Variants in LMF2 observed in about 807,000 individuals in gnomAD.
LMF2 encodes transmembrane protein 112B.
Under a neutral mutation model 81.5 loss-of-function variants are expected in LMF2, and 113 were observed. That is an observed-to-expected ratio of 1.39 (90% CI 1.19 to 1.62). The LOEUF (loss-of-function observed/expected upper bound fraction) is 1.62, where lower values mean the gene tolerates loss of function less well. Ranked by LOEUF, LMF2 falls within the 40% of genes most tolerant of loss-of-function variation. The pLI is 0.00. For missense variants in LMF2, 1,235 were observed against 929.1 expected, an observed-to-expected ratio of 1.33 and a Z score of -4.28; for synonymous variants, 645 against 424.5, an observed-to-expected ratio of 1.52 and a Z score of -6.39.
chr22:50,506,416 C>T lies in LMF2; in HGVS notation c.464G>A (p.Gly155Asp). 6.5e-7 allele frequency: 1 copy of T among 1,550,272 alleles called. No homozygotes were observed. ...PASHRKEAPQ[G>D]RQAGALPHED... ...GTGGGGCAGGGCCCCTGCCTGCCTG[C>T]CCTGGGGGGCCTCCTTGCGGTGGGA... Residue 155 changes from glycine (G) to aspartate (D), a missense_variant, in exon 4 of 14, where the codon GGC becomes GAC. Gly to Asp is a moderately conservative substitution (Grantham distance 94, BLOSUM62 -1). Transcript: ENST00000474879.
chr22:50,507,679 C>G lies in LMF2; in HGVS notation c.-4G>C, dbSNP rs1303069627. ...GCGGGAGCCGGGAGCCCGCCATGTC[C>G]GCTACGCGGCCCGCTAGAGCAGGGC... On this transcript the variant is annotated 5_prime_UTR_variant, in exon 1 of 14. Transcript: ENST00000474879. The G allele has an allele frequency of 1.4e-5, 21 of 1,548,776 alleles. No homozygotes were observed. Among genetic ancestry groups the G allele is most frequent in the Non-Finnish European group, 1.8e-5 (21 of 1,146,434 alleles).
rs773021426 is a variant in LMF2 at position 50,504,447 on chromosome 22, G to A, written c.1611C>T (p.Ile537=). The change falls in exon 12 of 14, where the codon ATC becomes ATT. Residue 537 remains isoleucine, a synonymous_variant. Transcript: ENST00000474879. ...TGGCCACTTGGCTCTGGACAAGGCG[G>A]ATCACTGCAGCGAGAGGCATCAGCG... ...LRLLQGKEPV[I]RLVQSQVARY... is the part of the protein sequence containing the mutation. 9 of 1,611,210 alleles carry A rather than the reference G, an allele frequency of 5.6e-6. No individual in the cohort carries two copies. The highest frequency in any genetic ancestry group is 5.0e-5 in the Admixed American group (3 of 59,964).
rs1390750240 is a variant in LMF2, at chr22:50,505,457, G to A, written c.997C>T (p.His333Tyr). Reference sequence around the variant, plus strand: ...CAGTCAACCTCCAGGCCAAAGTAGTGCACAGTGCCATAGGCCAGAAGCCCG... The same window carrying A: ...CAGTCAACCTCCAGGCCAAAGTAGTACACAGTGCCATAGGCCAGAAGCCCG... ...VYGLLAYGTV[H>Y]YFGLEVDWQQ... Residue 333 changes from histidine (H) to tyrosine (Y), a missense_variant, in exon 7 of 14, where the codon CAC (histidine) becomes TAC (tyrosine). By Grantham distance (83) the His-to-Tyr change is moderately conservative. Coordinates refer to ENST00000474879, the MANE Select transcript of LMF2 (RefSeq NM_033200.3). 1.9e-6 allele frequency: 3 copies of A among 1,612,928 alleles called. No homozygotes were observed. Among genetic ancestry groups the A allele is most frequent in the South Asian group, 2.2e-5 (2 of 91,090 alleles).
chr22:50,507,067 G>C, intron 1 of LMF2, 32 bp from the exon 2 acceptor site: 1 of 1,565,328 alleles, frequency 6.4e-7, no homozygotes, highest in Non-Finnish European at 8.6e-7. Flanking sequence ...CCAGGCCCTG[G>C]ACAGCCCTTG....
chr22:50,505,230 T>TCC lies in LMF2; in HGVS notation c.1154_1155dup (p.Arg386GlyfsTer16). 5 of 1,612,904 alleles carry TCC rather than the reference T, an allele frequency of 3.1e-6. No individual in the cohort carries two copies. Among genetic ancestry groups the TCC allele is most frequent in the Non-Finnish European group, 4.2e-6 (5 of 1,179,874 alleles). ...CTCCCTGCTTCCTGGGCCATGTACC[T>TCC]CCACAGGGCACTCAGCAGCTCCCAG... is the stretch of plus-strand genomic sequence containing the variant. On this transcript the variant is annotated frameshift_variant and splice_region_variant, in exon 8 of 14. Transcript: ENST00000474879. LOFTEE classifies it high-confidence loss of function.
Position 50,507,151 on chromosome 22 carries a change from C to G in LMF2, c.95-116G>C. ...TCAGAGCATGCGGATACCTCCATCC[C>G]TAGGTCAGAGTCTGCAGTCCCTCCA... On this transcript the variant is annotated intron_variant, in intron 1 of 13. Coordinates refer to ENST00000474879, the MANE Select transcript of LMF2 (RefSeq NM_033200.3). The G allele has an allele frequency of 7.6e-6, 11 of 1,441,644 alleles. No individual in the cohort carries two copies. In the South Asian group the frequency reaches 1.2e-4, roughly 15 times the overall value. 89.3% of individuals were successfully genotyped at this position (1,441,644 alleles called of 1,614,324 possible). A position where few individuals can be genotyped will look rare whatever the true frequency, so the allele number is the denominator to read the frequency against.
intron 6 of LMF2, 43 bp from the exon 7 acceptor site, chr22:50,505,580 C>T (rs769097491): frequency 6.2e-7 from 1 of 1,611,928 alleles, no homozygotes; most frequent in South Asian, 1.1e-5. Flanking sequence ...GGTCCCCAGC[C>T]AGGGGGCTGG....
Position 50,507,161 on chromosome 22 carries a change from G to A in LMF2, c.95-126C>T, listed in dbSNP as rs552560060. ...CGGATACCTCCATCCCTAGGTCAGAGTCTGCAGTCCCTCCAGAGCCCGTCC... is the reference window on the plus strand; with the variant it reads ...CGGATACCTCCATCCCTAGGTCAGAATCTGCAGTCCCTCCAGAGCCCGTCC... On this transcript the variant is annotated intron_variant, in intron 1 of 13. Transcript: ENST00000474879. The A allele has an allele frequency of 8.5e-6, 12 of 1,410,698 alleles. No homozygotes were observed. In the South Asian group the frequency reaches 1.2e-4, roughly 14 times the overall value. The allele number at this position is 1,410,698 out of a possible 1,614,324, so 87.4% of individuals were successfully genotyped here.
At chr22:50,507,246 G>A (rs2068612421) in intron 1 of LMF2, 3 of 755,818 alleles carry the variant, frequency 4.0e-6, no homozygotes, top group African/African-American at 1.8e-5. Context: ...AACTACCTGA[G>A]TCAGGGCCTC....
At position 50,503,079 on chromosome 22, in the gene LMF2, G is replaced by A. The variant is rs1017885657; in HGVS notation, c.*312C>T. ...GTCAGCCTCTTCCCCTCTGGCACGGGGCCTAGGGTTGGGGGCTCTAGACTC... is the reference window on the plus strand; with the variant it reads ...GTCAGCCTCTTCCCCTCTGGCACGGAGCCTAGGGTTGGGGGCTCTAGACTC... On this transcript the variant is annotated 3_prime_UTR_variant, in exon 14 of 14. Coordinates refer to ENST00000474879, the MANE Select transcript of LMF2 (RefSeq NM_033200.3). The A allele has an allele frequency of 5.6e-6, 2 of 360,276 alleles. No homozygotes were observed. Among genetic ancestry groups the A allele is most frequent in the Non-Finnish European group, 5.0e-6 (1 of 198,938 alleles). The allele number at this position is 360,276 out of a possible 1,614,324, so 22.3% of individuals were successfully genotyped here.
intron 9 of LMF2, 30 bp downstream of exon 9, chr22:50,505,027 C>T: frequency 6.2e-7 from 1 of 1,612,548 alleles, no homozygotes; most frequent in Non-Finnish European, 8.5e-7. Flanking sequence ...CTGCCCCCAG[C>T]CCATCCCCCA....
chr22:50,505,285 G>A lies in LMF2; in HGVS notation c.1101C>T (p.Pro367=), dbSNP rs754248083. 8 of 1,613,204 alleles carry A rather than the reference G, an allele frequency of 5.0e-6. No individual in the cohort carries two copies. The highest frequency in any genetic ancestry group is 1.3e-5 in the African/African-American group (1 of 74,948). Residue 367 remains proline (P), a synonymous_variant, in exon 8 of 14, where the codon CCC becomes CCT. Coordinates refer to ENST00000474879, the MANE Select transcript of LMF2 (RefSeq NM_033200.3). ...GGGAGGCCACACCCAGCCACACAGT[G>A]GGCAGCGTCAGTGTCTTCAGCCACT... ...FSQWLKTLTL[P]TVWLGVASLV... is the part of the protein sequence containing the mutation.
At position 50,507,031 on chromosome 22, in the gene LMF2, C is replaced by T; in HGVS notation, c.99G>A (p.Leu33=). ...FASLYTQIPG[L]YGPEGILPAR... Reference sequence around the variant, plus strand: ...CAGGTAGGATGCCCTCGGGGCCATACAGGCCTGTGGGAGGGCATGTCATGG... The same window carrying T: ...CAGGTAGGATGCCCTCGGGGCCATATAGGCCTGTGGGAGGGCATGTCATGG... Residue 33 remains leucine, a synonymous_variant, in exon 2 of 14, where the codon CTG becomes CTA. Transcript: ENST00000474879. 1 of 1,592,464 alleles carries T rather than the reference C, an allele frequency of 6.3e-7. No homozygotes were observed. The highest frequency in any genetic ancestry group is 8.5e-7 in the Non-Finnish European group (1 of 1,176,514).
chr22:50,507,338 C>CT (rs2068615873), intron 1 of LMF2: 1 of 604,472 alleles, frequency 1.7e-6, no homozygotes, highest in Admixed American at 2.9e-5. Context: ...GGAAGCCTCT[C>CT]TCCCACCTCT....
rs780916601 is a variant in LMF2, at chr22:50,503,402, G to A, written c.2113C>T (p.Arg705Ter). ...PCSSSSRTTR[R>*]KK ...CTGGGAGAACACAGCTACTTCTTTC[G>A]CCGGGTGGTCCTCGAACTACTGGAG... is the stretch of plus-strand genomic sequence containing the variant. Residue 705 changes from arginine to a stop codon, truncating the protein, a stop_gained, in exon 14 of 14, where the codon CGA (arginine) becomes TGA (stop). Transcript: ENST00000474879. LOFTEE classifies it high-confidence loss of function. 1.7e-5 allele frequency: 28 copies of A among 1,610,052 alleles called. No homozygotes were observed. The highest frequency in any genetic ancestry group is 4.5e-5 in the East Asian group (2 of 44,736).
chr22:50,506,150 A>C lies in LMF2; in HGVS notation c.659T>G (p.Leu220Arg). Residue 220 changes from leucine (L) to arginine (R), a missense_variant, in exon 5 of 14, where the codon CTG (leucine) becomes CGG (arginine). Physicochemically the swap from Leu to Arg is moderately radical, Grantham distance 102. Transcript: ENST00000474879. ...PTPAAWFAHH[L>R]PVWLHKLSVV... ...GCTGAGCTTGTGCAGCCAGACCGGC[A>C]GGTGGTGTGCGAACCAGGCGGCGGG... is the stretch of plus-strand genomic sequence containing the variant. 1 of 1,571,116 alleles carries C rather than the reference A, an allele frequency of 6.4e-7. No individual in the cohort carries two copies. The highest frequency in any genetic ancestry group is 8.6e-7 in the Non-Finnish European group (1 of 1,158,098).
Position 50,503,416 on chromosome 22 carries a change from G to A in LMF2, c.2099C>T (p.Ser700Leu), listed in dbSNP as rs561600584. 1.4e-5 allele frequency: 22 copies of A among 1,610,016 alleles called. No individual in the cohort carries two copies. The highest frequency in any genetic ancestry group is 1.1e-4 in the African/African-American group (8 of 74,768). ...CTACTTCTTTCGCCGGGTGGTCCTC[G>A]AACTACTGGAGCAGGGGTTGGGGGC... is the stretch of plus-strand genomic sequence containing the variant. ...TAAPNPCSSSSRTTRRKK is the reference protein window; with the variant it reads ...TAAPNPCSSSLRTTRRKK Residue 700 changes from serine to leucine, a missense_variant, in exon 14 of 14, where the codon TCG becomes TTG. Ser to Leu is a moderately radical substitution (Grantham distance 145, BLOSUM62 -2). Transcript: ENST00000474879.
chr22:50,506,947 CG>C lies in LMF2; in HGVS notation c.182del (p.Pro61ArgfsTer21). The C allele has an allele frequency of 6.3e-7, 1 of 1,581,688 alleles. No individual in the cohort carries two copies. The highest frequency in any genetic ancestry group is 2.3e-5 in the East Asian group (1 of 43,460). ...KGRWQQLWETPTLLWEAPRLG... is the reference protein window; with the variant it reads ...KGRWQQLWETXTLLWEAPRLG... Reference sequence around the variant, plus strand: ...GTCTCGGCGCTTCCCACAGCAGCGTCGGGGTCTCCCACAGCTGCTGCCAGCG... The same window carrying C: ...GTCTCGGCGCTTCCCACAGCAGCGTCGGGTCTCCCACAGCTGCTGCCAGCG... On this transcript the variant is annotated frameshift_variant, in exon 2 of 14. Transcript: ENST00000474879. LOFTEE classifies it high-confidence loss of function.
In LMF2 at chr22:50,507,592, C is replaced by T. The variant is rs1363885891; in HGVS notation, c.84G>A (p.Thr28=). Residue 28 remains threonine, a synonymous_variant, in exon 1 of 14, where the codon ACG becomes ACA. Coordinates refer to ENST00000474879, the MANE Select transcript of LMF2 (RefSeq NM_033200.3). ...VFMFAFASLY[T]QIPGLYGPEG... is the part of the protein sequence containing the mutation. ...CCTGGGTGCCTTCACCTGGGATTTG[C>T]GTGTAGAGGGAAGCGAAAGCAAACA... 6.4e-7 allele frequency: 1 copy of T among 1,563,352 alleles called. No individual in the cohort carries two copies. Among genetic ancestry groups the T allele is most frequent in the African/African-American group, 1.4e-5 (1 of 73,830 alleles).
Sources: allele counts gnomAD v4.1 joint callset, GRCh38; gene constraint gnomAD v4.1.1; transcripts MANE v1.5; gene names NCBI Gene and HGNC (gene_info 2026-07-23, HGNC 2026-07-21).